The following EPHA5 variants were observed in gnomAD, a reference collection of about 807,000 sequenced individuals.
EPHA5 encodes ephrin type-A receptor 5.
In EPHA5, 60 loss-of-function variants were observed where a neutral mutation model predicts 105.0. That is an observed-to-expected ratio of 0.57 (90% CI 0.46 to 0.71). The LOEUF (loss-of-function observed/expected upper bound fraction) is 0.71, where lower values mean the gene tolerates loss of function less well. Among genes scored for constraint, EPHA5 ranks in the 30% least tolerant of loss-of-function variants. The probability of loss-of-function intolerance (pLI) is 0.00; values close to 1 mark genes in which losing one functional copy is unlikely to be tolerated. For synonymous variants in EPHA5, 513 were observed against 449.1 expected (o/e 1.14, Z -1.80); for missense variants, 1,218 against 1,274.7 (o/e 0.96, Z 0.68).
chr4:65,516,949 T>C lies in EPHA5; in HGVS notation c.911-21406A>G, dbSNP rs368076333. 1.6e-3 allele frequency among the ~76,000 whole-genome samples: 244 copies of C among 152,178 alleles called. 1 individual carries two copies. In the South Asian group the frequency reaches 0.039, roughly 24 times the overall value. ...CTACACTTGTAAAGAATGTGTAGTG[T>C]TTGTGTGGTATTTTATAAATGTCAA... On this transcript the variant is annotated intron_variant, in intron 3 of 16. Coordinates refer to ENST00000613740, the MANE Select transcript of EPHA5 (RefSeq NM_001281766.3).
intron 1 of EPHA5, among the ~76,000 whole-genome samples, chr4:65,646,445 G>C (rs1748120225): frequency 6.6e-6 from 1 of 152,124 alleles, no homozygotes; most frequent in South Asian, 2.1e-4. Flanking sequence ...GACACATTTA[G>C]GGGCATTTAT....
At chr4:65,640,601 TTAGCTTACATACCAGGTATTGC>T (rs1326439560) in intron 2 of EPHA5, among the ~76,000 whole-genome samples, 1 of 152,166 alleles carries the variant, frequency 6.6e-6, no homozygotes, top group African/African-American at 2.4e-5. Context: ...CATTTCTCTA[TTAGCTTACATACCAGGTATTGC>T]TTAGACAGAA....
intron 5 of EPHA5, among the ~76,000 whole-genome samples, chr4:65,447,083 C>T (rs1056083176): frequency 6.7e-6 from 1 of 148,964 alleles, no homozygotes; most frequent in African/African-American, 2.5e-5. Context: ...AACTCCTGGG[C>T]TCAAGCAATC....
At chr4:65,388,142 T>C (rs924591755) in intron 8 of EPHA5, among the ~76,000 whole-genome samples, 33 of 150,610 alleles carry the variant, frequency 2.2e-4, no homozygotes, top group Non-Finnish European at 4.1e-4. Context: ...ACAAAGGACA[T>C]GAACTCATCA....
At chr4:65,592,612 C>T (rs1742778775) in intron 3 of EPHA5, among the ~76,000 whole-genome samples, 7 of 152,108 alleles carry the variant, frequency 4.6e-5, no homozygotes, top group Admixed American at 3.9e-4. Flanking sequence ...AAGAAGAAAG[C>T]ACAACCTTCA....
intron 11 of EPHA5, among the ~76,000 whole-genome samples, chr4:65,360,266 C>T (rs1047266530): frequency 1.3e-5 from 2 of 151,784 alleles, no homozygotes; most frequent in East Asian, 1.9e-4. Flanking sequence ...TCTATAAAGG[C>T]AGAAACTCAG....
intron 5 of EPHA5, among the ~76,000 whole-genome samples, chr4:65,440,583 G>C (rs1341743579): frequency 6.8e-6 from 1 of 148,016 alleles, no homozygotes; most frequent in African/African-American, 2.5e-5. Flanking sequence ...AGTTATTTTC[G>C]ATTACTTCAT....
intron 3 of EPHA5, among the ~76,000 whole-genome samples, chr4:65,593,198 A>G (rs147175629): frequency 2.2e-4 from 33 of 152,304 alleles, no homozygotes; most frequent in Admixed American, 5.9e-4. Context: ...TATTAGTTCT[A>G]ATACTGTCAA....
chr4:65,495,384 T>C lies in EPHA5; in HGVS notation c.1066+4A>G. On this transcript the variant is annotated splice_donor_region_variant and intron_variant, in intron 4 of 16. Transcript: ENST00000613740. Reference sequence around the variant, plus strand: ...CACCACCAAATATCCGTGGGTTTCCTTACTTGTGCATGCCATTGTGGGTGG... The same window carrying C: ...CACCACCAAATATCCGTGGGTTTCCCTACTTGTGCATGCCATTGTGGGTGG... The C allele has an allele frequency of 6.2e-7, 1 of 1,610,706 alleles. No individual in the cohort carries two copies. Among genetic ancestry groups the C allele is most frequent in the Non-Finnish European group, 8.5e-7 (1 of 1,178,622 alleles).
chr4:65,647,364 A>G (rs966803651), intron 1 of EPHA5, among the ~76,000 whole-genome samples: 1 of 150,894 alleles, frequency 6.6e-6, no homozygotes, highest in Non-Finnish European at 1.5e-5. Flanking sequence ...AAGTTTAGAC[A>G]TAGGGTATAT....
intron 5 of EPHA5, among the ~76,000 whole-genome samples, chr4:65,427,109 C>T (rs1303756467): frequency 1.3e-5 from 2 of 151,102 alleles, no homozygotes; most frequent in African/African-American, 4.9e-5. Context: ...TATACCCACA[C>T]ACAATTTCAT....
intron 8 of EPHA5, 57 bp downstream of exon 8, chr4:65,404,317 A>C: frequency 1.4e-6 from 2 of 1,464,022 alleles, no homozygotes; most frequent in Non-Finnish European, 1.9e-6. Flanking sequence ...AAATGGTCAG[A>C]TCAAGGTGAG....
chr4:65,415,694 A>T (rs1293665614), intron 6 of EPHA5, among the ~76,000 whole-genome samples: 1 of 151,986 alleles, frequency 6.6e-6, no homozygotes, highest in Non-Finnish European at 1.5e-5. Context: ...TATATTTAGG[A>T]AATTTTATTA....
chr4:65,648,249 A>T (rs1159216251), intron 1 of EPHA5, among the ~76,000 whole-genome samples: 1 of 152,230 alleles, frequency 6.6e-6, no homozygotes, highest in Admixed American at 6.5e-5. Context: ...TTCTTCAATG[A>T]TTATAACTTT....
intron 5 of EPHA5, among the ~76,000 whole-genome samples, chr4:65,452,851 A>G (rs974616555): frequency 8.5e-5 from 13 of 152,338 alleles, no homozygotes; most frequent in South Asian, 2.1e-4. Flanking sequence ...CACTCTAGGT[A>G]CAATAACCTA....
chr4:65,351,028 A>G (rs1260730423), intron 13 of EPHA5, among the ~76,000 whole-genome samples: 1 of 79,218 alleles, frequency 1.3e-5, no homozygotes, highest in Non-Finnish European at 2.8e-5. Flanking sequence ...AGACACATAC[A>G]TACTATATAT....
chr4:65,582,474 GA>G (rs35859138), intron 3 of EPHA5, among the ~76,000 whole-genome samples: 36,586 of 139,248 alleles, frequency 0.26, 4,930 homozygotes, highest in East Asian at 0.47. Context: ...TAGCAATTGG[GA>G]AAAAAAAAAA....
At chr4:65,408,723 C>A (rs1722614713) in intron 7 of EPHA5, among the ~76,000 whole-genome samples, 1 of 151,902 alleles carries the variant, frequency 6.6e-6, no homozygotes, top group African/African-American at 2.4e-5. Flanking sequence ...GAAATAGGAA[C>A]ACTTTTACAC....
At chr4:65,628,827 C>T (rs191055794) in intron 2 of EPHA5, among the ~76,000 whole-genome samples, 3 of 152,218 alleles carry the variant, frequency 2.0e-5, no homozygotes, top group Non-Finnish European at 2.9e-5. Context: ...ATCGCACATT[C>T]GCATGTTATA....
Sources: gnomAD v4.1 joint callset for allele counts (sites outside exome capture counted in the v4.1 genomes callset) on GRCh38, gnomAD v4.1.1 for gene constraint, MANE v1.5 for transcripts, NCBI Gene and HGNC (gene_info 2026-07-23, HGNC 2026-07-21) for gene names.